CACNA2D3: variants seen among roughly 807,000 people sequenced by gnomAD.
CACNA2D3 encodes calcium voltage-gated channel auxiliary subunit alpha2delta 3.
In CACNA2D3, 60 loss-of-function variants were observed where a neutral mutation model predicts 160.6. The observed-to-expected ratio is 0.37, with a 90% CI of 0.30 to 0.46. The LOEUF (loss-of-function observed/expected upper bound fraction) is 0.46. CACNA2D3 is among the 20% of genes least tolerant of loss of function. The pLI is 1.00. For missense variants in CACNA2D3, 1,205 were observed against 1,365.0 expected (o/e 0.88, Z 1.85); for synonymous variants, 558 against 492.9 (o/e 1.13, Z -1.75).
rs148111253 is a variant in CACNA2D3, at chr3:54,558,315, G to C, written c.545-4485G>C. ...GTGAGGGTACAGGGCTCTAGGCCAA[G>C]GGAACAGCCCCATCAATGGCAGTGT... On this transcript the variant is annotated intron_variant, in intron 5 of 37. Transcript: ENST00000474759. Among the ~76,000 whole-genome samples, 545 of 152,278 alleles carry C rather than the reference G, an allele frequency of 3.6e-3. 3 individuals carry two copies. The highest frequency in any genetic ancestry group is 0.01 in the Middle Eastern group (3 of 294).
intron 2 of CACNA2D3, among the ~76,000 whole-genome samples, chr3:54,148,931 C>T (rs963005206): frequency 6.9e-6 from 1 of 144,418 alleles, no homozygotes; most frequent in Non-Finnish European, 1.5e-5. Context: ...GAGCTAAGAT[C>T]GTGCCATTGT....
chr3:54,620,561 C>A (rs780824111), intron 9 of CACNA2D3, among the ~76,000 whole-genome samples: 2 of 152,168 alleles, frequency 1.3e-5, no homozygotes, highest in Non-Finnish European at 2.9e-5. Context: ...AATTTCAGGA[C>A]AGTGGTAACA....
At chr3:54,252,870 T>G (rs1383431809) in intron 2 of CACNA2D3, among the ~76,000 whole-genome samples, 9 of 131,808 alleles carry the variant, frequency 6.8e-5, no homozygotes, top group African/African-American at 2.3e-4. Context: ...GCAGCAGGAT[T>G]AAGCCCCCCG....
At chr3:54,620,716 A>C (rs1335413855) in intron 9 of CACNA2D3, among the ~76,000 whole-genome samples, 1 of 152,192 alleles carries the variant, frequency 6.6e-6, no homozygotes, top group Non-Finnish European at 1.5e-5. Flanking sequence ...GCTGTAGTTT[A>C]TCAGGGACGT....
At chr3:54,995,293 A>T (rs184309210) in intron 31 of CACNA2D3, among the ~76,000 whole-genome samples, 50 of 152,264 alleles carry the variant, frequency 3.3e-4, no homozygotes, top group African/African-American at 1.1e-3. Context: ...TTTTTAATCA[A>T]ACTTAGAGTC....
At chr3:54,167,034 G>T (rs1318644935) in intron 2 of CACNA2D3, among the ~76,000 whole-genome samples, 1 of 152,132 alleles carries the variant, frequency 6.6e-6, no homozygotes, top group Non-Finnish European at 1.5e-5. Flanking sequence ...GATTCCACTT[G>T]TCTTCAGGTC....
chr3:54,553,443 A>G (rs1227361794), intron 5 of CACNA2D3, among the ~76,000 whole-genome samples: 1 of 152,184 alleles, frequency 6.6e-6, no homozygotes, highest in Non-Finnish European at 1.5e-5. Flanking sequence ...CTATAATTTC[A>G]TAGCCGAGAG....
chr3:54,339,349 T>A (rs542054364), intron 3 of CACNA2D3, among the ~76,000 whole-genome samples: 1 of 152,210 alleles, frequency 6.6e-6, no homozygotes. Context: ...TCCTTGGCCC[T>A]CTTGCCTAAG....
At chr3:54,895,678 C>G (rs1181606601) in intron 25 of CACNA2D3, among the ~76,000 whole-genome samples, 1 of 152,208 alleles carries the variant, frequency 6.6e-6, no homozygotes, top group African/African-American at 2.4e-5. Context: ...TTTTCCCTAC[C>G]TATATGTTGT....
intron 2 of CACNA2D3, among the ~76,000 whole-genome samples, chr3:54,280,556 A>C (rs1702854482): frequency 6.6e-6 from 1 of 152,098 alleles, no homozygotes; most frequent in Non-Finnish European, 1.5e-5. Flanking sequence ...AGGGAGAGTA[A>C]AGGAGTGTAG....
intron 4 of CACNA2D3, among the ~76,000 whole-genome samples, chr3:54,408,697 G>A (rs1045840955): frequency 1.3e-5 from 2 of 152,112 alleles, no homozygotes; most frequent in Non-Finnish European, 2.9e-5. Context: ...TTATTAATAA[G>A]AGCCAAGTCA....
intron 18 of CACNA2D3, chr3:54,874,490 C>T (rs11718011): frequency 1.3e-5 from 2 of 152,136 alleles, no homozygotes; most frequent in Admixed American, 6.5e-5. Flanking sequence ...TTCCTATTAA[C>T]TTCCAGTCAT....
chr3:54,765,910 C>T (rs1702215597), intron 13 of CACNA2D3, among the ~76,000 whole-genome samples: 1 of 151,966 alleles, frequency 6.6e-6, no homozygotes, highest in South Asian at 2.1e-4. Context: ...ATCAGATAGC[C>T]ATTTAGAGAA....
At chr3:54,456,634 T>G (rs972160933) in intron 4 of CACNA2D3, among the ~76,000 whole-genome samples, 1 of 152,026 alleles carries the variant, frequency 6.6e-6, no homozygotes, top group Non-Finnish European at 1.5e-5. Context: ...AGAGTGAGTT[T>G]GGAAGTGCTA....
chr3:54,453,224 C>T (rs546591679), intron 4 of CACNA2D3, among the ~76,000 whole-genome samples: 1 of 152,260 alleles, frequency 6.6e-6, no homozygotes, highest in Admixed American at 6.5e-5. Flanking sequence ...AATTTCTAGG[C>T]TCAAGTTATC....
intron 2 of CACNA2D3, among the ~76,000 whole-genome samples, chr3:54,131,288 C>A (rs767308994): frequency 6.6e-6 from 1 of 152,196 alleles, no homozygotes; most frequent in Non-Finnish European, 1.5e-5. Context: ...GCAGTGGCGG[C>A]GGCCTCTGTC....
At chr3:54,466,074 C>T (rs1044337445) in intron 4 of CACNA2D3, among the ~76,000 whole-genome samples, 1 of 152,216 alleles carries the variant, frequency 6.6e-6, no homozygotes, top group Non-Finnish European at 1.5e-5. Context: ...ATCTCTCTGA[C>T]TTTCTCTTCT....
intron 4 of CACNA2D3, among the ~76,000 whole-genome samples, chr3:54,418,846 T>C (rs1699796429): frequency 6.6e-6 from 1 of 152,194 alleles, no homozygotes; most frequent in Non-Finnish European, 1.5e-5. Context: ...ATTATTATTG[T>C]CGTTATTATT....
In CACNA2D3 at chr3:54,741,215, G is replaced by A. The variant is rs1575451721; in HGVS notation, c.1168-11384G>A. 2.0e-5 allele frequency among the ~76,000 whole-genome samples: 3 copies of A among 152,138 alleles called. No homozygotes were observed. In the South Asian group the frequency reaches 6.2e-4, roughly 31 times the overall value. Reference sequence around the variant, plus strand: ...CTAAGGCCTAGAGGGACACACCCAGGTCATGTCATCAGGCGTTATACTCTC... The same window carrying A: ...CTAAGGCCTAGAGGGACACACCCAGATCATGTCATCAGGCGTTATACTCTC... On this transcript the variant is annotated intron_variant, in intron 11 of 37. Transcript: ENST00000474759.
Sources: allele counts gnomAD v4.1 joint callset (sites outside exome capture counted in the v4.1 genomes callset), GRCh38; gene constraint gnomAD v4.1.1; transcripts MANE v1.5; gene names NCBI Gene and HGNC (gene_info 2026-07-23, HGNC 2026-07-21).